ASIC2: variants seen among roughly 807,000 people sequenced by gnomAD.
The protein encoded by ASIC2 is acid sensing ion channel subunit 2, also known as acid-sensing ion channel 2.
ASIC2 carries 25 observed loss-of-function variants against 57.3 expected under a neutral mutation model. That is an observed-to-expected ratio of 0.44 (90% CI 0.32 to 0.61). The LOEUF (loss-of-function observed/expected upper bound fraction) is 0.61. Among genes scored for constraint, ASIC2 ranks in the 20% least tolerant of loss-of-function variants. ASIC2 has a pLI of 0.06. For missense variants in ASIC2, 641 were observed against 738.1 expected (o/e 0.87, Z 1.52); for synonymous variants, 319 against 307.5 (o/e 1.04, Z -0.39).
intron 1 of ASIC2, among the ~76,000 whole-genome samples, chr17:33,835,710 T>C (rs971821023): frequency 1.3e-5 from 2 of 152,184 alleles, no homozygotes; most frequent in African/African-American, 4.8e-5. Context: ...CATAGAGGAG[T>C]CTAATAAAAT....
At chr17:33,634,968 C>T (rs946427484) in intron 1 of ASIC2, 1 of 152,174 alleles carries the variant, frequency 6.6e-6, no homozygotes, top group Non-Finnish European at 1.5e-5. Flanking sequence ...TAGTGATTAT[C>T]TTGGGCAGAG....
At chr17:33,507,238 C>T (rs927318867) in intron 1 of ASIC2, among the ~76,000 whole-genome samples, 4 of 152,154 alleles carry the variant, frequency 2.6e-5, no homozygotes, top group Admixed American at 6.5e-5. Flanking sequence ...AGTTTATCTT[C>T]CATTAGCTGC....
At chr17:33,142,116 T>C (rs1904340739) in intron 1 of ASIC2, among the ~76,000 whole-genome samples, 1 of 152,234 alleles carries the variant, frequency 6.6e-6, no homozygotes, top group Non-Finnish European at 1.5e-5. Flanking sequence ...TTCAGCACTC[T>C]GCACAGTGCT....
At chr17:33,130,974 G>A (rs1161617042) in intron 1 of ASIC2, among the ~76,000 whole-genome samples, 1 of 152,318 alleles carries the variant, frequency 6.6e-6, no homozygotes, top group East Asian at 1.9e-4. Flanking sequence ...ACCTGAGCAA[G>A]GGACTCAAAC....
chr17:33,261,183 T>C (rs1909266531), intron 1 of ASIC2, among the ~76,000 whole-genome samples: 1 of 152,228 alleles, frequency 6.6e-6, no homozygotes, highest in Non-Finnish European at 1.5e-5. Context: ...TTATGCCCTC[T>C]CCAAACTAGC....
intron 1 of ASIC2, among the ~76,000 whole-genome samples, chr17:33,490,589 G>T (rs1267687824): frequency 1.3e-5 from 2 of 152,148 alleles, no homozygotes; most frequent in Non-Finnish European, 2.9e-5. Flanking sequence ...ATAAAGCGGG[G>T]TCTCCTGCAT....
At chr17:33,865,777 A>AC (rs1452356019) in intron 1 of ASIC2, among the ~76,000 whole-genome samples, 2 of 100,316 alleles carry the variant, frequency 2.0e-5, no homozygotes, top group African/African-American at 7.7e-5. Flanking sequence ...AAAAACAAAA[A>AC]AAAAAACGTT....
At chr17:33,358,076 A>G (rs1908455917) in intron 1 of ASIC2, among the ~76,000 whole-genome samples, 1 of 152,236 alleles carries the variant, frequency 6.6e-6, no homozygotes, top group Non-Finnish European at 1.5e-5. Flanking sequence ...GGCACACTAT[A>G]GCCCACAGCC....
chr17:33,794,589 T>C (rs1911862355), intron 1 of ASIC2: 1 of 152,146 alleles, frequency 6.6e-6, no homozygotes, highest in African/African-American at 2.4e-5. Context: ...TTTTGGAAAT[T>C]TGATGCTATG....
chr17:33,463,090 T>C (rs1329677390), intron 1 of ASIC2, among the ~76,000 whole-genome samples: 1 of 152,242 alleles, frequency 6.6e-6, no homozygotes, highest in Non-Finnish European at 1.5e-5. Context: ...ACTCTTGAAG[T>C]TGTATCCCAC....
chr17:33,524,336 A>G (rs552150775), intron 1 of ASIC2, among the ~76,000 whole-genome samples: 2 of 152,284 alleles, frequency 1.3e-5, no homozygotes, highest in African/African-American at 4.8e-5. Flanking sequence ...ACAGAGGAGG[A>G]AATGAAGCCT....
intron 1 of ASIC2, among the ~76,000 whole-genome samples, chr17:33,511,026 A>G (rs1200224793): frequency 1.3e-5 from 2 of 152,202 alleles, no homozygotes; most frequent in Admixed American, 6.5e-5. Flanking sequence ...TTTCACATGT[A>G]CATTTATATT....
At chr17:34,079,590 C>A (rs990811205) in intron 1 of ASIC2, among the ~76,000 whole-genome samples, 1 of 152,172 alleles carries the variant, frequency 6.6e-6, no homozygotes, top group Non-Finnish European at 1.5e-5. Flanking sequence ...TATGTCAAGT[C>A]CTTGTAGGCA....
chr17:33,842,289 G>A (rs1051085466), intron 1 of ASIC2, among the ~76,000 whole-genome samples: 1 of 152,190 alleles, frequency 6.6e-6, no homozygotes, highest in African/African-American at 2.4e-5. Flanking sequence ...ATGGGGCCAT[G>A]GGGATGGTGG....
chr17:33,477,443 C>A (rs1350871885), intron 1 of ASIC2, among the ~76,000 whole-genome samples: 1 of 152,214 alleles, frequency 6.6e-6, no homozygotes. Flanking sequence ...CTTGAACTAA[C>A]ATGACTTCCT....
At chr17:34,072,481 C>G (rs540327546) in intron 1 of ASIC2, among the ~76,000 whole-genome samples, 47 of 152,312 alleles carry the variant, frequency 3.1e-4, no homozygotes, top group Non-Finnish European at 5.4e-4. Flanking sequence ...AGCATAGAGC[C>G]AGCTGCTAGT....
rs148271634 is a variant in ASIC2, at chr17:33,567,577, G to A, written c.556-455510C>T. ...CCAGGCAGGATGGTGTCTCTGGAGG[G>A]AGAAGCGTGGCAGGCCTGGGGCCTC... On this transcript the variant is annotated intron_variant, in intron 1 of 9. Coordinates refer to the ASIC2 transcript ENST00000359872. Among the ~76,000 whole-genome samples the A allele has an allele frequency of 1.6e-3, 242 of 152,310 alleles. 1 individual carries two copies. The highest frequency in any genetic ancestry group is 5.5e-3 in the African/African-American group (228 of 41,562).
chr17:33,450,276 A>T (rs1344445429), intron 1 of ASIC2, among the ~76,000 whole-genome samples: 1 of 152,222 alleles, frequency 6.6e-6, no homozygotes, highest in Non-Finnish European at 1.5e-5. Context: ...AAATGGTAGT[A>T]TGCAGACACT....
chr17:34,012,115 T>C (rs558930483), intron 1 of ASIC2, among the ~76,000 whole-genome samples: 3 of 152,206 alleles, frequency 2.0e-5, no homozygotes, highest in Non-Finnish European at 4.4e-5. Context: ...AGGGGGAGTC[T>C]AGAAGTCAAT....
Sources: allele counts gnomAD v4.1 joint callset (sites outside exome capture counted in the v4.1 genomes callset), GRCh38; gene constraint gnomAD v4.1.1; transcripts MANE v1.5; gene names NCBI Gene and HGNC (gene_info 2026-07-23, HGNC 2026-07-21).